Variants in DLGAP2 observed in about 807,000 individuals in gnomAD.
The protein encoded by DLGAP2 is disks large-associated protein 2.
In DLGAP2, 26 loss-of-function variants were observed where a neutral mutation model predicts 100.3. That is an observed-to-expected ratio of 0.26 (90% CI 0.19 to 0.36). The LOEUF (loss-of-function observed/expected upper bound fraction) is 0.36. Ranked by LOEUF, DLGAP2 falls within the 10% of genes least tolerant of loss-of-function variation. The pLI, the probability that DLGAP2 is intolerant of heterozygous loss-of-function variation, is 1.00. For missense variants in DLGAP2, 1,858 were observed against 1,453.2 expected (o/e 1.28, Z -4.53); for synonymous variants, 886 against 630.1 (o/e 1.41, Z -6.08).
Position 1,296,856 on chromosome 8 carries a change from G to C in DLGAP2, c.106+37973G>C, listed in dbSNP as rs58536187. On this transcript the variant is annotated intron_variant, in intron 3 of 14. Transcript: ENST00000637795. ...CCACACAGGACAGTGCTGCGGAGGGGATGTTTCATGCGGGGCTCAGAAAGG... is the reference window on the plus strand; with the variant it reads ...CCACACAGGACAGTGCTGCGGAGGGCATGTTTCATGCGGGGCTCAGAAAGG... 8.8e-3 allele frequency among the ~76,000 whole-genome samples: 1,348 copies of C among 152,334 alleles called. 25 individuals carry two copies. The highest frequency in any genetic ancestry group is 0.03 in the African/African-American group (1,227 of 41,574).
Position 1,691,579 on chromosome 8 carries a change from A to C in DLGAP2, c.2749A>C (p.Met917Leu). ...RSAVGSAQLL[M>L]SQKFQQFYWL... ...TGCTGTTGGGAGTGCCCAGCTTCTC[A>C]TGTCCCAGAAATTCCAGCAGTTTTA... The change falls in exon 13 of 15, where the codon ATG becomes CTG. Residue 917 changes from methionine (M) to leucine (L), a missense_variant. Met to Leu is a conservative substitution (Grantham distance 15). Transcript: ENST00000637795. The C allele has an allele frequency of 6.2e-7, 1 of 1,614,134 alleles. No homozygotes were observed. Among genetic ancestry groups the C allele is most frequent in the Non-Finnish European group, 8.5e-7 (1 of 1,179,996 alleles).
chr8:745,063 G>A (rs902820686), intron 1 of DLGAP2, among the ~76,000 whole-genome samples: 4 of 152,204 alleles, frequency 2.6e-5, no homozygotes, highest in African/African-American at 4.8e-5. Flanking sequence ...AATACACACC[G>A]TGAATGCCTC....
intron 2 of DLGAP2, among the ~76,000 whole-genome samples, chr8:1,166,317 C>T (rs770826931): frequency 3.0e-4 from 45 of 152,172 alleles, no homozygotes; most frequent in Non-Finnish European, 4.8e-4. Flanking sequence ...CCCGAGGCCC[C>T]GGCCTATAAT....
chr8:1,578,915 C>T (rs779928820), intron 6 of DLGAP2, among the ~76,000 whole-genome samples: 1 of 152,206 alleles, frequency 6.6e-6, no homozygotes, highest in Non-Finnish European at 1.5e-5. Flanking sequence ...TGCCCACGTG[C>T]AGAGCACCAC....
chr8:1,595,507 C>CA (rs555059840), intron 6 of DLGAP2, among the ~76,000 whole-genome samples: 24 of 145,896 alleles, frequency 1.6e-4, no homozygotes, highest in Middle Eastern at 3.5e-3. Context: ...ACTAAAAATA[C>CA]AAAAAAAAAA....
chr8:944,823 G>A (rs1256489484), intron 2 of DLGAP2, among the ~76,000 whole-genome samples: 1 of 150,174 alleles, frequency 6.7e-6, no homozygotes, highest in Non-Finnish European at 1.5e-5. Context: ...CCAGTGGGTG[G>A]TAATGATCCC....
chr8:1,255,070 G>T (rs560691676), intron 2 of DLGAP2, among the ~76,000 whole-genome samples: 3 of 136,824 alleles, frequency 2.2e-5, no homozygotes, highest in East Asian at 2.3e-4. Context: ...CATCCTGCCC[G>T]GCCGCTGTGT....
intron 2 of DLGAP2, among the ~76,000 whole-genome samples, chr8:1,205,680 A>G (rs1797974820): frequency 2.6e-5 from 4 of 152,256 alleles, no homozygotes; most frequent in African/African-American, 9.6e-5. Flanking sequence ...GGACAGGTAG[A>G]GGTGACCGGA....
intron 2 of DLGAP2, among the ~76,000 whole-genome samples, chr8:1,133,959 G>A (rs1045164291): frequency 7.9e-5 from 12 of 151,782 alleles, no homozygotes; most frequent in African/African-American, 2.9e-4. Flanking sequence ...ATTAAGCCCA[G>A]TACCCATTAG....
intron 3 of DLGAP2, among the ~76,000 whole-genome samples, chr8:1,498,299 T>C (rs1477612783): frequency 6.6e-6 from 1 of 151,934 alleles, no homozygotes; most frequent in Non-Finnish European, 1.5e-5. Context: ...CTCCTGGATC[T>C]GGGAAAAGGA....
chr8:1,549,392 C>T lies in DLGAP2; in HGVS notation c.939C>T (p.Ser313=), dbSNP rs759413221. ...GCGACAGCACCTATCGGACGCCCAG[C>T]GTGCTCAACCGGCACCACCTGGGCC... ...LDSDSTYRTP[S]VLNRHHLGPV... Residue 313 remains serine (S), a synonymous_variant, in exon 5 of 15, where the codon AGC becomes AGT. Transcript: ENST00000637795. The T allele has an allele frequency of 1.5e-5, 25 of 1,613,334 alleles. No individual in the cohort carries two copies. The African/African-American group carries it at 2.3e-4, about 15-fold the overall frequency.
At chr8:1,356,412 T>G (rs13262118) in intron 3 of DLGAP2, among the ~76,000 whole-genome samples, 65,176 of 151,996 alleles carry the variant, frequency 0.43, 14,182 homozygotes, top group Admixed American at 0.47. Flanking sequence ...TAAAACCATG[T>G]GAAACCACAA....
At chr8:1,216,165 C>G (rs148147738) in intron 2 of DLGAP2, among the ~76,000 whole-genome samples, 1 of 152,180 alleles carries the variant, frequency 6.6e-6, no homozygotes, top group East Asian at 1.9e-4. Context: ...CATGTTTGCA[C>G]ACATCTGCAG....
intron 3 of DLGAP2, among the ~76,000 whole-genome samples, chr8:1,493,457 C>T (rs1799452557): frequency 6.6e-6 from 1 of 152,166 alleles, no homozygotes; most frequent in Non-Finnish European, 1.5e-5. Context: ...CTCTGCGAGC[C>T]CAGTGCATCC....
intron 8 of DLGAP2, among the ~76,000 whole-genome samples, chr8:1,661,851 A>C (rs1585041766): frequency 6.6e-6 from 1 of 152,230 alleles, no homozygotes; most frequent in Admixed American, 6.5e-5. Context: ...CTATGGGACA[A>C]TTCAGCCGGT....
At chr8:1,415,803 G>A (rs1309496648) in intron 3 of DLGAP2, among the ~76,000 whole-genome samples, 1 of 152,136 alleles carries the variant, frequency 6.6e-6, no homozygotes, top group African/African-American at 2.4e-5. Context: ...TGTCTTTTTG[G>A]TAGAATGATT....
intron 6 of DLGAP2, chr8:1,604,792 G>A (rs1796743811): frequency 6.6e-6 from 1 of 151,672 alleles, no homozygotes. Flanking sequence ...AAAGAAAAAA[G>A]CAATGTACTT....
intron 1 of DLGAP2, among the ~76,000 whole-genome samples, chr8:898,492 T>C (rs1318444477): frequency 6.6e-6 from 1 of 152,198 alleles, no homozygotes; most frequent in Non-Finnish European, 1.5e-5. Context: ...CCATGCAGCG[T>C]CTGGTTCCCT....
At chr8:1,663,377 C>T (rs1034670746) in intron 8 of DLGAP2, among the ~76,000 whole-genome samples, 3 of 152,034 alleles carry the variant, frequency 2.0e-5, no homozygotes, top group African/African-American at 7.3e-5. Context: ...TTTGGGGACC[C>T]GGTGGTGACA....
Sources: gnomAD v4.1 joint callset for allele counts (sites outside exome capture counted in the v4.1 genomes callset) on GRCh38, gnomAD v4.1.1 for gene constraint, MANE v1.5 for transcripts, NCBI Gene and HGNC (gene_info 2026-07-23, HGNC 2026-07-21) for gene names.